The following FAS variants were observed in gnomAD, a reference collection of about 807,000 sequenced individuals.
The protein encoded by FAS is tumor necrosis factor receptor superfamily member 6.
Under a neutral mutation model 33.2 loss-of-function variants are expected in FAS, and 5 were observed. The observed-to-expected ratio is 0.15, with a 90% CI of 0.08 to 0.32. The LOEUF is 0.32. Ranked by LOEUF, FAS falls within the 10% of genes least tolerant of loss-of-function variation. The pLI, the probability that FAS is intolerant of heterozygous loss-of-function variation, is 1.00. For missense variants in FAS, 339 were observed against 386.0 expected, an observed-to-expected ratio of 0.88 and a Z score of 1.02; for synonymous variants, 131 against 130.7, an observed-to-expected ratio of 1.00 and a Z score of -0.01.
intron 2 of FAS, among the ~76,000 whole-genome samples, chr10:89,007,228 T>C (rs1364706004): frequency 1.3e-5 from 2 of 152,258 alleles, no homozygotes; most frequent in Non-Finnish European, 2.9e-5. Context: ...AAATGTTCTT[T>C]TCCTTATTAC....
intron 1 of FAS, 160 bp downstream of exon 1, chr10:88,991,066 C>A (rs185376752): frequency 1.1e-6 from 1 of 909,564 alleles, no homozygotes; most frequent in South Asian, 1.5e-5. Context: ...GACTGGCTCC[C>A]GGGGGCTGTT....
chr10:89,012,234 G>A (rs540568208), intron 7 of FAS, 153 bp downstream of exon 7: 8 of 664,524 alleles, frequency 1.2e-5, no homozygotes, highest in Admixed American at 2.3e-5. Flanking sequence ...CTGGAGTGCA[G>A]GGGTGCAATC....
At chr10:89,006,451 A>T (rs1488553118) in intron 2 of FAS, among the ~76,000 whole-genome samples, 15 of 152,356 alleles carry the variant, frequency 9.8e-5, no homozygotes, top group Non-Finnish European at 1.5e-4. Flanking sequence ...TTATTAAGGA[A>T]TTCATGTTCC....
chr10:88,993,139 T>C (rs1847359462), intron 1 of FAS, among the ~76,000 whole-genome samples: 1 of 152,222 alleles, frequency 6.6e-6, no homozygotes, highest in African/African-American at 2.4e-5. Context: ...TTTCCTTCTC[T>C]CAACCTTCCT....
chr10:89,001,260 T>C (rs1847913409), intron 1 of FAS, among the ~76,000 whole-genome samples: 1 of 102,002 alleles, frequency 9.8e-6, no homozygotes, highest in East Asian at 6.5e-4. Context: ...CACCACTGAA[T>C]GCCTTTTTTT....
chr10:88,997,844 G>C (rs1388534992), intron 1 of FAS, among the ~76,000 whole-genome samples: 2 of 152,158 alleles, frequency 1.3e-5, no homozygotes, highest in East Asian at 3.9e-4. Context: ...AGCAGTAGAG[G>C]GTGGTGAGAT....
rs1287419204 is a variant in FAS, at chr10:88,966,351, G to A, written n.95-6831G>A. Among the ~76,000 whole-genome samples the A allele has an allele frequency of 2.0e-5, 3 of 152,222 alleles. No homozygotes were observed. The East Asian group carries it at 5.8e-4, about 29-fold the overall frequency. On this transcript the variant is annotated intron_variant and non_coding_transcript_variant, in intron 1 of 3. Transcript: ENST00000688239. ...GGGAAGGGGATTGGACAGGACTGTGGGCCTGCATTCTATTTTAGGCCCTGC... is the reference window on the plus strand; with the variant it reads ...GGGAAGGGGATTGGACAGGACTGTGAGCCTGCATTCTATTTTAGGCCCTGC...
chr10:89,006,629 T>C (rs1393406949), intron 2 of FAS, among the ~76,000 whole-genome samples: 1 of 152,204 alleles, frequency 6.6e-6, no homozygotes, highest in Non-Finnish European at 1.5e-5. Context: ...TCTATTCCCT[T>C]ACCTTCATCT....
upstream of FAS, chr10:88,989,423 G>A (rs1379519331): frequency 1.9e-6 from 1 of 521,632 alleles, no homozygotes; most frequent in Admixed American, 2.0e-5. Context: ...TACAGAGAAT[G>A]CCCATATACC....
In FAS at chr10:88,991,345, C is replaced by G. The variant is rs777685155; in HGVS notation, c.30+439C>G. 1.8e-3 allele frequency: 545 copies of G among 311,332 alleles called. 2 individuals are homozygous for G. The highest frequency in any genetic ancestry group is 2.5e-3 in the Non-Finnish European group (409 of 161,568). 19.3% of individuals were successfully genotyped at this position (311,332 alleles called of 1,614,324 possible). A position where few individuals can be genotyped will look rare whatever the true frequency, so the allele number is the denominator to read the frequency against. ...GACAAGCCAAGCCAAAGGTCCGCTCCGGCGCGGGTGGGTGAGTGCGCGCCG... is the reference window on the plus strand; with the variant it reads ...GACAAGCCAAGCCAAAGGTCCGCTCGGGCGCGGGTGGGTGAGTGCGCGCCG... On this transcript the variant is annotated intron_variant, in intron 1 of 8. Transcript: ENST00000652046.
At chr10:89,006,357 A>T (rs1848229369) in intron 2 of FAS, among the ~76,000 whole-genome samples, 1 of 152,226 alleles carries the variant, frequency 6.6e-6, no homozygotes. Context: ...TATTATCTTT[A>T]CTTACTAAAA....
chr10:89,005,283 A>G (rs1848161737), intron 2 of FAS, among the ~76,000 whole-genome samples: 1 of 152,162 alleles, frequency 6.6e-6, no homozygotes, highest in Non-Finnish European at 1.5e-5. Context: ...GATGTGACTT[A>G]AGAAAGAACC....
chr10:88,974,448 A>C (rs1477838939), intron 2 of FAS: 1 of 152,240 alleles, frequency 6.6e-6, no homozygotes, highest in African/African-American at 2.4e-5. Flanking sequence ...TTGCTAGAGA[A>C]TGCAATTTAT....
chr10:89,008,950 CT>C lies in FAS; in HGVS notation c.403del (p.Cys135ValfsTer52), dbSNP rs1564692984. On this transcript the variant is annotated frameshift_variant, in exon 4 of 9. Coordinates refer to ENST00000652046, the MANE Select transcript of FAS (RefSeq NM_000043.6). LOFTEE classifies it high-confidence loss of function. ...ATACCAAGTGCAGATGTAAACCAAA[CT>C]TTTTTTGTAACTCTACTGTATGTGA... ...QNTKCRCKPN[F>X]FCNSTVCEHC... 6.2e-7 allele frequency: 1 copy of C among 1,613,990 alleles called. No homozygotes were observed. The highest frequency in any genetic ancestry group is 1.1e-5 in the South Asian group (1 of 91,088).
Position 89,014,405 on chromosome 10 carries a change from C to G in FAS, c.963C>G (p.Asp321Glu), listed in dbSNP as rs1293544858. The G allele has an allele frequency of 6.2e-7, 1 of 1,612,622 alleles. No individual in the cohort carries two copies. The highest frequency in any genetic ancestry group is 1.7e-5 in the Admixed American group (1 of 59,988). Residue 321 changes from aspartate (D) to glutamate (E), a missense_variant, in exon 9 of 9, where the codon GAC becomes GAG. By Grantham distance (45) the Asp-to-Glu change is conservative. This residue lies in a region of FAS where 52 missense variants were observed against 52.7 expected (regional missense o/e 0.99). Transcript: ENST00000652046. Reference sequence around the variant, plus strand: ...TCATCCTCAAGGACATTACTAGTGACTCAGAAAATTCAAACTTCAGAAATG... The same window carrying G: ...TCATCCTCAAGGACATTACTAGTGAGTCAGAAAATTCAAACTTCAGAAATG... ...QTIILKDITS[D>E]SENSNFRNEI... is the part of the protein sequence containing the mutation.
At chr10:88,986,793 A>G (rs1846904828), upstream of FAS, among the ~76,000 whole-genome samples, 1 of 152,206 alleles carries the variant, frequency 6.6e-6, no homozygotes, top group South Asian at 2.1e-4. Flanking sequence ...GAAGTAGTAC[A>G]GGAAAAGTGG....
chr10:88,980,081 C>T (rs1173240919), intron 2 of FAS, among the ~76,000 whole-genome samples: 1 of 152,198 alleles, frequency 6.6e-6, no homozygotes, highest in Admixed American at 6.5e-5. Flanking sequence ...AATTTTATTT[C>T]ATTTATTAAT....
upstream of FAS, among the ~76,000 whole-genome samples, chr10:88,981,757 T>C (rs1010424942): frequency 6.6e-6 from 1 of 152,176 alleles, no homozygotes; most frequent in African/African-American, 2.4e-5. Flanking sequence ...TCCCAGATAC[T>C]ACGTGTTTCA....
In FAS at chr10:89,015,690, C is replaced by T. The variant is rs1348480106; in HGVS notation, c.*1240C>T. ...AAACTGAAGCAGATACCTGGAACCACCTAAAGAACTTCCATTTATGGAGGA... is the reference window on the plus strand; with the variant it reads ...AAACTGAAGCAGATACCTGGAACCATCTAAAGAACTTCCATTTATGGAGGA... On this transcript the variant is annotated 3_prime_UTR_variant, in exon 9 of 9. Coordinates refer to ENST00000652046, the MANE Select transcript of FAS (RefSeq NM_000043.6). 5 of 497,422 alleles carry T rather than the reference C, an allele frequency of 1.0e-5. No individual in the cohort carries two copies. The highest frequency in any genetic ancestry group is 7.3e-5 in the South Asian group (4 of 55,056). The allele number at this position is 497,422 out of a possible 1,614,324, so 30.8% of individuals were successfully genotyped here. A position where few individuals can be genotyped will look rare whatever the true frequency, so the allele number is the denominator to read the frequency against.
Sources: allele counts gnomAD v4.1 joint callset (sites outside exome capture counted in the v4.1 genomes callset), GRCh38; gene constraint gnomAD v4.1.1; regional missense constraint gnomAD v4.1.1; transcripts MANE v1.5; gene names NCBI Gene and HGNC (gene_info 2026-07-23, HGNC 2026-07-21).